Variants in GGT6 observed in about 807,000 individuals in gnomAD.
GGT6 encodes the protein gamma-glutamyltransferase 6.
GGT6 carries 13 observed loss-of-function variants against 17.0 expected under a neutral mutation model. The observed-to-expected ratio is 0.77, with a 90% CI of 0.50 to 1.22. The LOEUF (loss-of-function observed/expected upper bound fraction) is 1.22, where lower values mean the gene tolerates loss of function less well. GGT6 is among the 50% of genes most tolerant of loss of function. The pLI is 0.00. For missense variants in GGT6, 628 were observed against 643.7 expected, an observed-to-expected ratio of 0.98 and a Z score of 0.26; for synonymous variants, 305 against 297.9, an observed-to-expected ratio of 1.02 and a Z score of -0.25.
rs7216474 is a variant in GGT6, at chr17:4,560,501, G to T, written c.21C>A (p.Pro7=). MERAEE[P]VVYQKLLPWE... Reference sequence around the variant, plus strand: ...AGGGCAGCAGCTTCTGATAGACCACGGGCTCTTCTGCCCGCTCCATGGCCC... The same window carrying T: ...AGGGCAGCAGCTTCTGATAGACCACTGGCTCTTCTGCCCGCTCCATGGCCC... Residue 7 remains proline (P), a synonymous_variant, in exon 1 of 4, where the codon CCC becomes CCA. Coordinates refer to ENST00000381550, the MANE Select transcript of GGT6 (RefSeq NM_001288702.2). The T allele has an allele frequency of 6.2e-7, 1 of 1,611,962 alleles. No homozygotes were observed.
Position 4,560,493 on chromosome 17 carries a change from T to C in GGT6, c.29A>G (p.Tyr10Cys). 5.0e-6 allele frequency: 8 copies of C among 1,613,048 alleles called. No homozygotes were observed. The highest frequency in any genetic ancestry group is 6.8e-6 in the Non-Finnish European group (8 of 1,180,012). Residue 10 changes from tyrosine to cysteine, a missense_variant, in exon 1 of 4, where the codon TAT (tyrosine) becomes TGT (cysteine). Tyr to Cys is a radical substitution (Grantham distance 194). Coordinates refer to ENST00000381550, the MANE Select transcript of GGT6 (RefSeq NM_001288702.2). MERAEEPVV[Y>C]QKLLPWEPSL... ...TGGCTCCCAGGGCAGCAGCTTCTGA[T>C]AGACCACGGGCTCTTCTGCCCGCTC...
At position 4,557,221 on chromosome 17, in the gene GGT6, A is replaced by C. The variant is rs188695802; in HGVS notation, c.*794T>G. ...TCCGGTGTGGGTGATCTGAAGAATGATTGTTAGCTCTGGATGCCAGAACTC... is the reference window on the plus strand; with the variant it reads ...TCCGGTGTGGGTGATCTGAAGAATGCTTGTTAGCTCTGGATGCCAGAACTC... On this transcript the variant is annotated 3_prime_UTR_variant, in exon 4 of 4. Coordinates refer to ENST00000381550, the MANE Select transcript of GGT6 (RefSeq NM_001288702.2). 1.3e-5 allele frequency: 2 copies of C among 150,944 alleles called. No homozygotes were observed. The highest frequency in any genetic ancestry group is 3.0e-5 in the Non-Finnish European group (2 of 67,714). The allele number at this position is 150,944 out of a possible 1,614,324, so 9.4% of individuals were successfully genotyped here.
In GGT6 at chr17:4,558,839, C is replaced by T; in HGVS notation, c.676G>A (p.Ala226Thr). Reference protein sequence around the residue: ...QEGFLVDTPLARALVARGTEG... With the variant: ...QEGFLVDTPLTRALVARGTEG... ...GTGCCCCGAGCCACCAGAGCCCTTG[C>T]CAGGGGTGTGTCCACCAGGAAGCCC... is the stretch of plus-strand genomic sequence containing the variant. Residue 226 changes from alanine to threonine, a missense_variant, in exon 4 of 4, where the codon GCA becomes ACA. Ala to Thr is a moderately conservative substitution (Grantham distance 58). Coordinates refer to ENST00000381550, the MANE Select transcript of GGT6 (RefSeq NM_001288702.2). 1.9e-6 allele frequency: 3 copies of T among 1,547,788 alleles called. No individual in the cohort carries two copies. Among genetic ancestry groups the T allele is most frequent in the Non-Finnish European group, 2.6e-6 (3 of 1,145,286 alleles).
chr17:4,559,104 C>T, intron 3 of GGT6, 47 bp from the exon 4 acceptor site: 3 of 1,538,708 alleles, frequency 1.9e-6, no homozygotes, highest in Non-Finnish European at 2.6e-6. Context: ...TCAAGGGTCA[C>T]TGACTTGTTT....
chr17:4,559,497 C>G, intron 2 of GGT6, 41 bp from the exon 3 acceptor site: 1 of 1,577,604 alleles, frequency 6.3e-7, no homozygotes, highest in Non-Finnish European at 8.6e-7. Flanking sequence ...AGGAGGGGGG[C>G]TAGGCTGGGC....
chr17:4,556,288 G>C (rs1908103486), downstream of GGT6, among the ~76,000 whole-genome samples: 1 of 152,194 alleles, frequency 6.6e-6, no homozygotes, highest in Non-Finnish European at 1.5e-5. Context: ...TGGTGGACTG[G>C]ACCCAGGGAA....
chr17:4,559,822 G>T, intron 1 of GGT6, 62 bp from the exon 2 acceptor site: 2 of 1,461,076 alleles, frequency 1.4e-6, no homozygotes, highest in East Asian at 4.6e-5. Context: ...GACCCCAAGA[G>T]ACCCCAGGGA....
Position 4,557,932 on chromosome 17 carries a change from C to CACT in GGT6, c.*80_*82dup, listed in dbSNP as rs1339097213. On this transcript the variant is annotated 3_prime_UTR_variant, in exon 4 of 4. Coordinates refer to ENST00000381550, the MANE Select transcript of GGT6 (RefSeq NM_001288702.2). ...TGAGGCACCACACCCTGCGGGTGCA[C>CACT]ACTCCATTGCTGCTGTGTCTGCTCT... 7.5e-6 allele frequency: 7 copies of CACT among 931,450 alleles called. No individual in the cohort carries two copies. Among genetic ancestry groups the CACT allele is most frequent in the Middle Eastern group, 3.3e-4 (1 of 3,018 alleles). 57.7% of individuals were successfully genotyped at this position (931,450 alleles called of 1,614,324 possible).
intron 1 of GGT6, among the ~76,000 whole-genome samples, 177 bp downstream of exon 1, chr17:4,560,205 T>C (rs1273186825): frequency 6.6e-6 from 1 of 152,210 alleles, no homozygotes; most frequent in African/African-American, 2.4e-5. Context: ...GCACAGACTT[T>C]TGATTGGGTC....
At chr17:4,556,816 C>G (rs1021531238), downstream of GGT6, 11 of 152,250 alleles carry the variant, frequency 7.2e-5, no homozygotes, top group Admixed American at 5.2e-4. Flanking sequence ...AGATACCAAC[C>G]CAGGCTCTCC....
intron 1 of GGT6, 62 bp from the exon 2 acceptor site, chr17:4,559,822 G>C (rs1015737774): frequency 8.2e-6 from 12 of 1,460,958 alleles, no homozygotes; most frequent in South Asian, 1.2e-5. Context: ...GACCCCAAGA[G>C]ACCCCAGGGA....
Position 4,558,582 on chromosome 17 carries a change from C to T in GGT6, c.933G>A (p.Gln311=), listed in dbSNP as rs755547480. Residue 311 remains glutamine (Q), a synonymous_variant, in exon 4 of 4, where the codon CAG becomes CAA. Coordinates refer to ENST00000381550, the MANE Select transcript of GGT6 (RefSeq NM_001288702.2). The stretch of plus-strand genomic sequence containing the variant: ...GACTGGGGGTGGTGAACAGGATGCC[C>T]TGGGGCACAGGTAGCTGCTCTGCTG... ...LEPAEQLPVP[Q]GILFTTPSPS... The T allele has an allele frequency of 1.3e-6, 2 of 1,565,580 alleles. No individual in the cohort carries two copies. The highest frequency in any genetic ancestry group is 8.7e-7 in the Non-Finnish European group (1 of 1,155,742).
In GGT6 at chr17:4,559,241, C is replaced by CT; in HGVS notation, c.457+101dup. 3 of 1,187,596 alleles carry CT rather than the reference C, an allele frequency of 2.5e-6. No homozygotes were observed. The South Asian group carries it at 4.1e-5, about 16-fold the overall frequency. 73.6% of individuals were successfully genotyped at this position (1,187,596 alleles called of 1,614,324 possible). On this transcript the variant is annotated intron_variant, in intron 3 of 3. Coordinates refer to ENST00000381550, the MANE Select transcript of GGT6 (RefSeq NM_001288702.2). ...ACTGCTGCCCAAACCCTAAGTCCTG[C>CT]TCACTTAGCAGTCTTGAGGTCAGTG...
Position 4,559,610 on chromosome 17 carries a change from T to C in GGT6, c.291A>G (p.Gly97=). 1 of 1,613,768 alleles carries C rather than the reference T, an allele frequency of 6.2e-7. No individual in the cohort carries two copies. Among genetic ancestry groups the C allele is most frequent in the African/African-American group, 1.3e-5 (1 of 75,022 alleles). Residue 97 remains glycine, a synonymous_variant, in exon 2 of 4, where the codon GGA becomes GGG. Coordinates refer to ENST00000381550, the MANE Select transcript of GGT6 (RefSeq NM_001288702.2). ...GGTATACGCCAGGGCCGTGGGAGTGTCCGCCGGGTGGAGGGGCCACAGAGC... is the reference window on the plus strand; with the variant it reads ...GGTATACGCCAGGGCCGTGGGAGTGCCCGCCGGGTGGAGGGGCCACAGAGC... ...SLGSVAPPPG[G]HSHGPGVYHH...
rs145905555 is a variant in GGT6 at position 4,558,432 on chromosome 17, G to A, written c.1083C>T (p.Ala361=). The part of the protein sequence containing the change: ...AVSPESSALA[A]VDSSGSVLLL... Reference sequence around the variant, plus strand: ...GGAGCACAGAGCCGCTGCTGTCCACGGCGGCCAGGGCACTGCTCTCGGGGC... The same window carrying A: ...GGAGCACAGAGCCGCTGCTGTCCACAGCGGCCAGGGCACTGCTCTCGGGGC... The change falls in exon 4 of 4, where the codon GCC becomes GCT. Residue 361 remains alanine, a synonymous_variant. Coordinates refer to ENST00000381550, the MANE Select transcript of GGT6 (RefSeq NM_001288702.2). 29 of 1,606,176 alleles carry A rather than the reference G, an allele frequency of 1.8e-5. No individual in the cohort carries two copies. The highest frequency in any genetic ancestry group is 1.6e-4 in the Middle Eastern group (1 of 6,076).
rs747662726 is a variant in GGT6 at position 4,560,502 on chromosome 17, G to A, written c.20C>T (p.Pro7Leu). The part of the protein sequence containing the change: MERAEE[P>L]VVYQKLLPWE... ...GGGCAGCAGCTTCTGATAGACCACG[G>A]GCTCTTCTGCCCGCTCCATGGCCCC... Residue 7 changes from proline to leucine, a missense_variant, in exon 1 of 4, where the codon CCC becomes CTC. Pro to Leu is a moderately conservative substitution (Grantham distance 98, BLOSUM62 -3). Coordinates refer to ENST00000381550, the MANE Select transcript of GGT6 (RefSeq NM_001288702.2). The A allele has an allele frequency of 6.8e-6, 11 of 1,611,800 alleles. No individual in the cohort carries two copies. In the African/African-American group the frequency reaches 1.5e-4, roughly 22 times the overall value.
rs779571047 is a variant in GGT6 at position 4,559,669 on chromosome 17, G to C, written c.232C>G (p.Leu78Val). Residue 78 changes from leucine (L) to valine (V), a missense_variant, in exon 2 of 4, where the codon CTC becomes GTC. Coordinates refer to ENST00000381550, the MANE Select transcript of GGT6 (RefSeq NM_001288702.2). ...CCTGTCGACCTGCCCTGATTCTGGAGCTGCCTCACAGCCAGGGAGCAGCCA... is the reference window on the plus strand; with the variant it reads ...CCTGTCGACCTGCCCTGATTCTGGACCTGCCTCACAGCCAGGGAGCAGCCA... ...AVGCSLAVRQ[L>V]QNQGRSTGSL... The C allele has an allele frequency of 6.2e-7, 1 of 1,613,124 alleles. No homozygotes were observed. Among genetic ancestry groups the C allele is most frequent in the Non-Finnish European group, 8.5e-7 (1 of 1,180,016 alleles).
chr17:4,556,446 T>C (rs976245522), downstream of GGT6, among the ~76,000 whole-genome samples: 1 of 152,132 alleles, frequency 6.6e-6, no homozygotes, highest in African/African-American at 2.4e-5. Context: ...AAGAATTTTC[T>C]TGGGAGTGGG....
Position 4,558,436 on chromosome 17 carries a change from G to C in GGT6, c.1079C>G (p.Ala360Gly), listed in dbSNP as rs1261938055. Residue 360 changes from alanine to glycine, a missense_variant, in exon 4 of 4, where the codon GCC (alanine) becomes GGC (glycine). Coordinates refer to ENST00000381550, the MANE Select transcript of GGT6 (RefSeq NM_001288702.2). ...TAVSPESSALAAVDSSGSVLL... is the reference protein window; with the variant it reads ...TAVSPESSALGAVDSSGSVLL... The stretch of plus-strand genomic sequence containing the variant: ...CACAGAGCCGCTGCTGTCCACGGCG[G>C]CCAGGGCACTGCTCTCGGGGCTCAC... 6.2e-7 allele frequency: 1 copy of C among 1,606,734 alleles called. No individual in the cohort carries two copies. The highest frequency in any genetic ancestry group is 8.5e-7 in the Non-Finnish European group (1 of 1,179,944).
Sources: gnomAD v4.1 joint callset for allele counts (sites outside exome capture counted in the v4.1 genomes callset) on GRCh38, gnomAD v4.1.1 for gene constraint, MANE v1.5 for transcripts, NCBI Gene and HGNC (gene_info 2026-07-23, HGNC 2026-07-21) for gene names.